The following WDR70 variants were observed in gnomAD, a reference collection of about 807,000 sequenced individuals.
The protein encoded by WDR70 is WD repeat-containing protein 70.
A neutral mutation model predicts 88.6 loss-of-function variants in WDR70; 53 were observed. The observed-to-expected ratio is 0.60, with a 90% confidence interval of 0.48 to 0.75. WDR70 has a LOEUF of 0.75. Among genes scored for constraint, WDR70 ranks in the 30% least tolerant of loss-of-function variants. WDR70 has a pLI of 0.00. For missense variants in WDR70, 610 were observed against 823.2 expected (o/e 0.74, Z 3.17); for synonymous variants, 280 against 270.0 (o/e 1.04, Z -0.36).
At chr5:37,686,185 C>T (rs1197784098) in intron 10 of WDR70, among the ~76,000 whole-genome samples, 2 of 2,972 alleles carry the variant, frequency 6.7e-4, no homozygotes, top group African/African-American at 7.3e-4. Context: ...GGCATGGTGG[C>T]TTGTGTTGTA....
chr5:37,548,295 C>G (rs528681266), intron 9 of WDR70, among the ~76,000 whole-genome samples: 10 of 152,242 alleles, frequency 6.6e-5, no homozygotes, highest in African/African-American at 2.2e-4. Context: ...TCTCCATATC[C>G]TTGCTAGCAT....
intron 8 of WDR70, among the ~76,000 whole-genome samples, chr5:37,481,433 T>G (rs1354416444): frequency 1.3e-5 from 2 of 152,184 alleles, no homozygotes; most frequent in Admixed American, 1.3e-4. Context: ...TCTTGACTTC[T>G]GTGCATCTGC....
intron 9 of WDR70, among the ~76,000 whole-genome samples, chr5:37,528,908 G>GTTTTTTTTTTTTTT (rs1228946391): frequency 7.3e-6 from 1 of 137,568 alleles, no homozygotes; most frequent in African/African-American, 2.7e-5. Flanking sequence ...TCTAGAGGGG[G>GTTTTTTTTTTTTTT]TTTTTTTTTT....
chr5:37,526,154 A>G (rs1432825387), intron 9 of WDR70, among the ~76,000 whole-genome samples: 3 of 152,214 alleles, frequency 2.0e-5, no homozygotes, highest in Non-Finnish European at 2.9e-5. Context: ...TCATCTTGAT[A>G]GCAAAGCCTG....
intron 9 of WDR70, among the ~76,000 whole-genome samples, chr5:37,553,802 CTAAG>C (rs1305952269): frequency 1.3e-5 from 2 of 152,182 alleles, no homozygotes; most frequent in African/African-American, 4.8e-5. Flanking sequence ...CTGCCATTTA[CTAAG>C]TGTGTGACTT....
At chr5:37,535,212 T>G (rs1741628926) in intron 9 of WDR70, among the ~76,000 whole-genome samples, 1 of 152,076 alleles carries the variant, frequency 6.6e-6, no homozygotes, top group African/African-American at 2.4e-5. Flanking sequence ...AGAGAAAGCC[T>G]TGGAATTGAC....
At chr5:37,473,125 A>G (rs1260090394) in intron 7 of WDR70, among the ~76,000 whole-genome samples, 1 of 151,966 alleles carries the variant, frequency 6.6e-6, no homozygotes, top group Admixed American at 6.6e-5. Flanking sequence ...TTTGCATTTC[A>G]TAAATGATTA....
chr5:37,497,265 CTCCCTCCCTTT>C lies in WDR70; in HGVS notation c.840+17295_840+17305del, dbSNP rs1237389854. Among the ~76,000 whole-genome samples, 22 of 148,280 alleles carry C rather than the reference CTCCCTCCCTTT, an allele frequency of 1.5e-4. No homozygotes were observed. In the East Asian group the frequency reaches 1.8e-3, roughly 12 times the overall value. On this transcript the variant is annotated intron_variant, in intron 8 of 17. Coordinates refer to ENST00000265107, the MANE Select transcript of WDR70 (RefSeq NM_018034.4). ...CCCTCCCTTTTCCCTTCCTCCCTTC[CTCCCTCCCTTT>C]TCCCTCCCTTTTCCCTTCCCTTCTC...
At chr5:37,712,983 C>T (rs926519323) in intron 13 of WDR70, among the ~76,000 whole-genome samples, 3 of 152,120 alleles carry the variant, frequency 2.0e-5, no homozygotes, top group Non-Finnish European at 4.4e-5. Flanking sequence ...TGAGCCATCG[C>T]GCCTGGCCTC....
chr5:37,427,403 A>T (rs550512236), intron 5 of WDR70, among the ~76,000 whole-genome samples: 7,575 of 151,626 alleles, frequency 0.05, 214 homozygotes, highest in South Asian at 0.077. Context: ...ATAAAAAATA[A>T]AAAAAAAAAG....
chr5:37,479,748 A>ATTTTT, intron 7 of WDR70, 86 bp from the exon 8 acceptor site: 1 of 1,380,564 alleles, frequency 7.2e-7, no homozygotes, highest in Non-Finnish European at 9.9e-7. Flanking sequence ...TTTGTGTAAC[A>ATTTTT]TTTTTTTTTC....
chr5:37,704,128 C>G (rs946635394), intron 13 of WDR70, among the ~76,000 whole-genome samples: 10 of 152,150 alleles, frequency 6.6e-5, no homozygotes, highest in Non-Finnish European at 1.3e-4. Context: ...GAGATTAATT[C>G]TAGATGAGTA....
At chr5:37,636,399 A>G (rs1390196515) in intron 10 of WDR70, among the ~76,000 whole-genome samples, 1 of 152,246 alleles carries the variant, frequency 6.6e-6, no homozygotes, top group Non-Finnish European at 1.5e-5. Context: ...ACTTATTGTA[A>G]TCAGGAATCA....
chr5:37,475,952 TCTC>T (rs1739469263), intron 7 of WDR70, among the ~76,000 whole-genome samples: 1 of 151,428 alleles, frequency 6.6e-6, no homozygotes, highest in African/African-American at 2.4e-5. Flanking sequence ...TTCAAGCAAT[TCTC>T]CTGCCTCAGC....
At chr5:37,722,737 C>T in intron 14 of WDR70, 118 bp from the exon 15 acceptor site, 1 of 865,424 alleles carries the variant, frequency 1.2e-6, no homozygotes, top group Non-Finnish European at 1.8e-6. Flanking sequence ...AAGTCAAGTA[C>T]TTGTGTAGAT....
At chr5:37,717,564 C>G (rs1017531663) in intron 13 of WDR70, among the ~76,000 whole-genome samples, 1 of 152,144 alleles carries the variant, frequency 6.6e-6, no homozygotes, top group South Asian at 2.1e-4. Flanking sequence ...GTTGGTTGAT[C>G]GAGGGATTGT....
chr5:37,417,537 G>A (rs906473987), intron 5 of WDR70, among the ~76,000 whole-genome samples: 1 of 64,826 alleles, frequency 1.5e-5, no homozygotes, highest in Admixed American at 2.5e-4. Context: ...CACCCCCACC[G>A]ACGTTTTTTT....
chr5:37,494,715 G>A lies in WDR70; in HGVS notation c.840+14728G>A, dbSNP rs1740165354. Among the ~76,000 whole-genome samples the A allele has an allele frequency of 1.3e-5, 2 of 152,216 alleles. 1 individual carries two copies. Among genetic ancestry groups the A allele is most frequent in the South Asian group, 4.1e-4 (2 of 4,830 alleles). ...TAGAAGCATATTATGACCATTCATG[G>A]TAGTGGCAGAATTAGCCATAGTTGG... On this transcript the variant is annotated intron_variant, in intron 8 of 17. Coordinates refer to ENST00000265107, the MANE Select transcript of WDR70 (RefSeq NM_018034.4).
chr5:37,479,765 T>G, intron 7 of WDR70, 69 bp from the exon 8 acceptor site: 1 of 1,480,714 alleles, frequency 6.8e-7, no homozygotes, highest in Non-Finnish European at 9.1e-7. Flanking sequence ...TTTCTGGCAA[T>G]ACTTAATGTA....
Sources: gnomAD v4.1 joint callset for allele counts (sites outside exome capture counted in the v4.1 genomes callset) on GRCh38, gnomAD v4.1.1 for gene constraint, MANE v1.5 for transcripts, NCBI Gene and HGNC (gene_info 2026-07-23, HGNC 2026-07-21) for gene names.